ARSG: variants seen among roughly 807,000 people sequenced by gnomAD.
ARSG encodes arylsulfatase G.
Under a neutral mutation model 50.5 loss-of-function variants are expected in ARSG, and 37 were observed. The observed-to-expected ratio is 0.73, with a 90% CI of 0.56 to 0.96. The LOEUF is 0.96. Ranked by LOEUF, ARSG falls within the 50% of genes least tolerant of loss-of-function variation. The probability of loss-of-function intolerance (pLI) is 0.00; values close to 1 mark genes in which losing one functional copy is unlikely to be tolerated. For missense variants in ARSG, 629 were observed against 675.3 expected (o/e 0.93, Z 0.76); for synonymous variants, 225 against 254.6 (o/e 0.88, Z 1.11).
chr17:68,307,852 A>G, intron 2 of ARSG, 141 bp downstream of exon 2: 1 of 607,092 alleles, frequency 1.6e-6, no homozygotes. Flanking sequence ...ATTTGGTTTG[A>G]AGCCAGCATA....
intron 2 of ARSG, among the ~76,000 whole-genome samples, chr17:68,333,640 TAATAATA>T (rs1319294129): frequency 1.9e-5 from 1 of 53,976 alleles, no homozygotes; most frequent in Non-Finnish European, 4.8e-5. Flanking sequence ...AAAATAATAA[TAATAATA>T]ATAATAATAA....
At chr17:68,398,983 A>G (rs2081364882) in intron 10 of ARSG, among the ~76,000 whole-genome samples, 1 of 152,190 alleles carries the variant, frequency 6.6e-6, no homozygotes, top group South Asian at 2.1e-4. Context: ...CCCAGATGGA[A>G]GCTGAAGGTG....
intron 1 of ARSG, among the ~76,000 whole-genome samples, chr17:68,270,334 T>C (rs2075294668): frequency 6.6e-6 from 1 of 152,004 alleles, no homozygotes; most frequent in Non-Finnish European, 1.5e-5. Context: ...GGCAGGCGGA[T>C]CACGAGGTCA....
At chr17:68,287,331 T>C (rs557522955), upstream of ARSG, among the ~76,000 whole-genome samples, 82 of 152,036 alleles carry the variant, frequency 5.4e-4, no homozygotes, top group African/African-American at 1.7e-3. Context: ...TCTTCTTCTT[T>C]TTTTTTTTAA....
At chr17:68,446,955 G>A in the ARSG span, among the ~76,000 whole-genome samples, 25 of 152,326 alleles carry the variant, frequency 1.6e-4, no homozygotes, top group African/African-American at 3.6e-4. Context: ...CTCTTAGTTC[G>A]TGTGAGAGCA....
At chr17:68,433,416 A>T in the ARSG span, 1 of 1,495,502 alleles carries the variant, frequency 6.7e-7, no homozygotes, top group Non-Finnish European at 9.3e-7. Flanking sequence ...AGAAGAGCCT[A>T]GGCCTGACTC....
At chr17:68,447,984 C>CAA in the ARSG span, among the ~76,000 whole-genome samples, 7 of 80,208 alleles carry the variant, frequency 8.7e-5, no homozygotes, top group Admixed American at 1.4e-4. Context: ...GACTCTATCT[C>CAA]AAAAAAAAAA....
intron 2 of ARSG, among the ~76,000 whole-genome samples, chr17:68,322,410 C>G (rs1293245025): frequency 6.6e-6 from 1 of 152,168 alleles, no homozygotes; most frequent in Non-Finnish European, 1.5e-5. Flanking sequence ...AGGCGGATCA[C>G]AAGGTCAAGA....
upstream of ARSG, among the ~76,000 whole-genome samples, chr17:68,287,065 C>G (rs1046785328): frequency 3.3e-5 from 5 of 152,026 alleles, no homozygotes; most frequent in African/African-American, 1.2e-4. Context: ...CTCACTGCAA[C>G]CTCCACCTCC....
chr17:68,430,582 A>C, the ARSG span, among the ~76,000 whole-genome samples: 1 of 152,212 alleles, frequency 6.6e-6, no homozygotes, highest in African/African-American at 2.4e-5. Flanking sequence ...CTCCTGAGCC[A>C]GACTGAGTGG....
At chr17:68,287,990 CTT>C (rs542264053), upstream of ARSG, among the ~76,000 whole-genome samples, 274 of 126,026 alleles carry the variant, frequency 2.2e-3, 2 homozygotes, top group Middle Eastern at 0.016. Flanking sequence ...TCCCTCCTTT[CTT>C]TTTTTTTTTT....
At chr17:68,314,995 C>A (rs1467100971) in intron 2 of ARSG, among the ~76,000 whole-genome samples, 2 of 152,160 alleles carry the variant, frequency 1.3e-5, no homozygotes, top group African/African-American at 2.4e-5. Flanking sequence ...AATCACTAAC[C>A]CTTACCAAGC....
Position 68,368,719 on chromosome 17 carries a change from G to A in ARSG, c.876G>A (p.Lys292=), listed in dbSNP as rs768524296. The change falls in exon 7 of 12, where the codon AAG becomes AAA. Residue 292 remains lysine (K), a synonymous_variant. Coordinates refer to ENST00000621439, the MANE Select transcript of ARSG (RefSeq NM_001267727.2). ...AGGACAAAGTTGACCACACAGTGAAGGAAAACACATTCCTCTGGTTTACAG... is the reference window on the plus strand; with the variant it reads ...AGGACAAAGTTGACCACACAGTGAAAGAAAACACATTCCTCTGGTTTACAG... ...QIKDKVDHTV[K]ENTFLWFTGD... is the part of the protein sequence containing the mutation. The A allele has an allele frequency of 2.5e-6, 4 of 1,613,336 alleles. No individual in the cohort carries two copies. The highest frequency in any genetic ancestry group is 1.3e-5 in the African/African-American group (1 of 75,034).
At chr17:68,359,538 A>G (rs2146539912) in intron 6 of ARSG, 1 of 152,326 alleles carries the variant, frequency 6.6e-6, no homozygotes, top group Non-Finnish European at 1.5e-5. Flanking sequence ...GGTGTTTTCT[A>G]CAGCCTTAGC....
At chr17:68,380,300 G>A (rs1412935196) in intron 8 of ARSG, among the ~76,000 whole-genome samples, 1 of 150,282 alleles carries the variant, frequency 6.7e-6, no homozygotes, top group Admixed American at 6.6e-5. Flanking sequence ...AGAGGGCAGT[G>A]ATCTAATCAG....
chr17:68,339,388 C>T (rs2078171227), intron 2 of ARSG, among the ~76,000 whole-genome samples: 1 of 152,180 alleles, frequency 6.6e-6, no homozygotes, highest in South Asian at 2.1e-4. Flanking sequence ...TTATTATACT[C>T]AGAAAATGAA....
intron 11 of ARSG, among the ~76,000 whole-genome samples, chr17:68,401,993 T>G (rs2081492758): frequency 6.6e-6 from 1 of 152,138 alleles, no homozygotes; most frequent in African/African-American, 2.4e-5. Context: ...AGACTCTCAA[T>G]CCCGAGTCCT....
chr17:68,296,969 G>A (rs2076230335), intron 1 of ARSG, among the ~76,000 whole-genome samples: 1 of 152,294 alleles, frequency 6.6e-6, no homozygotes, highest in South Asian at 2.1e-4. Context: ...GAGCAGGCTG[G>A]GCTGTTGATG....
In ARSG at chr17:68,271,608, G is replaced by C; in HGVS notation, c.-552+12182G>C. 1 of 1,614,010 alleles carries C rather than the reference G, an allele frequency of 6.2e-7. No individual in the cohort carries two copies. The highest frequency in any genetic ancestry group is 1.6e-4 in the Middle Eastern group (1 of 6,062). On this transcript the variant is annotated intron_variant, in intron 1 of 11. Coordinates refer to the ARSG transcript ENST00000448504. The surrounding 1 kb of genome is among the most constrained non-coding windows in gnomAD (Gnocchi z 5.3). Reference sequence around the variant, plus strand: ...TGTTTAACTGTAGTAGGCCCACGAAGAGGAGGCTGTATCTCCAGCCAATGC... The same window carrying C: ...TGTTTAACTGTAGTAGGCCCACGAACAGGAGGCTGTATCTCCAGCCAATGC...
Sources: allele counts gnomAD v4.1 joint callset (sites outside exome capture counted in the v4.1 genomes callset), GRCh38; gene constraint gnomAD v4.1.1; non-coding constraint Gnocchi (gnomAD v3.1); transcripts MANE v1.5; gene names NCBI Gene and HGNC (gene_info 2026-07-23, HGNC 2026-07-21).